GUCY2C: variants seen among roughly 807,000 people sequenced by gnomAD.
GUCY2C encodes the protein guanylyl cyclase C.
In GUCY2C, 118 loss-of-function variants were observed where a neutral mutation model predicts 131.1. The ratio of observed to expected loss-of-function variants is 0.90; its 90% CI spans 0.78 to 1.05. The LOEUF (loss-of-function observed/expected upper bound fraction) is 1.05. GUCY2C is among the 50% of genes least tolerant of loss of function. The pLI, the probability that GUCY2C is intolerant of heterozygous loss-of-function variation, is 0.00. For synonymous variants in GUCY2C, 452 were observed against 457.8 expected (o/e 0.99, Z 0.16); for missense variants, 1,161 against 1,304.4 (o/e 0.89, Z 1.69).
At chr12:14,684,836 A>G (rs1948440464) in intron 3 of GUCY2C, among the ~76,000 whole-genome samples, 1 of 151,478 alleles carries the variant, frequency 6.6e-6, no homozygotes, top group Non-Finnish European at 1.5e-5. Flanking sequence ...CACCTGGCTA[A>G]TTTTTTTATT....
At chr12:14,682,600 C>G (rs928954627) in intron 4 of GUCY2C, among the ~76,000 whole-genome samples, 3 of 152,274 alleles carry the variant, frequency 2.0e-5, no homozygotes, top group African/African-American at 7.2e-5. Flanking sequence ...TCCCCTACCT[C>G]TTGTTTCTCT....
At position 14,627,814 on chromosome 12, in the gene GUCY2C, C is replaced by T. The variant is rs78636638; in HGVS notation, c.2249+832G>A. Among the ~76,000 whole-genome samples, 1,271 of 152,292 alleles carry T rather than the reference C, an allele frequency of 8.3e-3. 11 individuals are homozygous for T. The highest frequency in any genetic ancestry group is 0.028 in the African/African-American group (1,183 of 41,578). ...ATTAATTATTATTTCCTGCTCCATTCCCACAACTGACAGCTTAGTTCTACT... is the reference window on the plus strand; with the variant it reads ...ATTAATTATTATTTCCTGCTCCATTTCCACAACTGACAGCTTAGTTCTACT... On this transcript the variant is annotated intron_variant, in intron 20 of 26. Transcript: ENST00000261170.
At position 14,696,431 on chromosome 12, in the gene GUCY2C, C is replaced by A. The variant is rs774673667; in HGVS notation, c.18G>T (p.Leu6Phe). Residue 6 changes from leucine (L) to phenylalanine (F), a missense_variant, in exon 1 of 27, where the codon TTG becomes TTT. Leu to Phe is a conservative substitution (Grantham distance 22, BLOSUM62 0). Transcript: ENST00000261170. The stretch of plus-strand genomic sequence containing the variant: ...AGAGCAGTGACCACAAAGCCAAGTC[C>A]AACAGCAACGTCTTCATGACCCCAA... Reference protein sequence around the residue: MKTLLLDLALWSLLFQ... With the variant: MKTLLFDLALWSLLFQ... 64 of 1,613,590 alleles carry A rather than the reference C, an allele frequency of 4.0e-5. No individual in the cohort carries two copies. Among genetic ancestry groups the A allele is most frequent in the Non-Finnish European group, 5.1e-5 (60 of 1,179,846 alleles).
At chr12:14,652,418 A>G (rs898061418) in intron 13 of GUCY2C, among the ~76,000 whole-genome samples, 4 of 151,568 alleles carry the variant, frequency 2.6e-5, no homozygotes, top group African/African-American at 9.7e-5. Flanking sequence ...CAAATGATCC[A>G]CCCGCCTCAG....
chr12:14,638,965 T>C (rs6488702), intron 19 of GUCY2C, among the ~76,000 whole-genome samples: 128,137 of 152,120 alleles, frequency 0.84, 57,830 homozygotes, highest in East Asian at 0.99. Flanking sequence ...ATATCACATA[T>C]ACCCCACAAA....
At chr12:14,645,609 A>C (rs1947504464) in intron 15 of GUCY2C, among the ~76,000 whole-genome samples, 1 of 152,216 alleles carries the variant, frequency 6.6e-6, no homozygotes, top group Admixed American at 6.5e-5. Context: ...CTGCTTAACA[A>C]GTGACTGCCC....
At chr12:14,655,753 A>G (rs562643620) in intron 12 of GUCY2C, among the ~76,000 whole-genome samples, 1 of 152,290 alleles carries the variant, frequency 6.6e-6, no homozygotes, top group East Asian at 1.9e-4. Flanking sequence ...CTCTGGCTTT[A>G]CAGTTAGACA....
chr12:14,669,358 C>T (rs1258848688), intron 10 of GUCY2C, among the ~76,000 whole-genome samples: 1 of 151,626 alleles, frequency 6.6e-6, no homozygotes, highest in Non-Finnish European at 1.5e-5. Flanking sequence ...CTGTGTGCCA[C>T]TATGCCTGGG....
chr12:14,658,317 A>G (rs1310410408), intron 11 of GUCY2C, among the ~76,000 whole-genome samples: 4 of 151,972 alleles, frequency 2.6e-5, no homozygotes, highest in Non-Finnish European at 5.9e-5. Flanking sequence ...ATATTTATGT[A>G]TTTTTTCTTT....
At chr12:14,632,770 C>G (rs2137003284) in intron 19 of GUCY2C, among the ~76,000 whole-genome samples, 1 of 152,290 alleles carries the variant, frequency 6.6e-6, no homozygotes, top group African/African-American at 2.4e-5. Flanking sequence ...CACTTGCACC[C>G]TCCCAGTGCT....
chr12:14,648,115 C>CA (rs1947562441), intron 15 of GUCY2C, among the ~76,000 whole-genome samples: 1 of 151,970 alleles, frequency 6.6e-6, no homozygotes, highest in South Asian at 2.1e-4. Context: ...TGCCCGCCAT[C>CA]ATGCCCGGCT....
chr12:14,696,162 T>G (rs1948651278), intron 1 of GUCY2C, 70 bp downstream of exon 1: 1 of 1,249,058 alleles, frequency 8.0e-7, no homozygotes, highest in Non-Finnish European at 1.2e-6. Flanking sequence ...ACACAAGGTC[T>G]TTGCTTAGCA....
intron 3 of GUCY2C, among the ~76,000 whole-genome samples, chr12:14,684,622 TTCC>T (rs746667732): frequency 0.13 from 2,178 of 16,856 alleles, 209 homozygotes; most frequent in African/African-American, 0.3. Context: ...CCTTCCTTCC[TTCC>T]TTCCTTTCCT....
chr12:14,683,446 C>CA (rs1272242995), intron 3 of GUCY2C, among the ~76,000 whole-genome samples, 189 bp from the exon 4 acceptor site: 1 of 152,172 alleles, frequency 6.6e-6, no homozygotes, highest in East Asian at 1.9e-4. Flanking sequence ...TTATTGAGCA[C>CA]ATGCTATGTT....
intron 26 of GUCY2C, among the ~76,000 whole-genome samples, chr12:14,614,329 T>C (rs1361653171): frequency 6.6e-6 from 1 of 152,184 alleles, no homozygotes; most frequent in African/African-American, 2.4e-5. Context: ...TTTAACTCAT[T>C]CTTGTCTAAT....
intron 15 of GUCY2C, among the ~76,000 whole-genome samples, chr12:14,648,272 TAAA>T (rs71038619): frequency 2.7e-5 from 4 of 147,786 alleles, no homozygotes; most frequent in South Asian, 2.1e-4. Flanking sequence ...ATCTTTAAAT[TAAA>T]AAAAAAAAAA....
intron 10 of GUCY2C, among the ~76,000 whole-genome samples, chr12:14,666,194 C>T (rs991334523): frequency 6.6e-6 from 1 of 152,196 alleles, no homozygotes; most frequent in Non-Finnish European, 1.5e-5. Context: ...TATGCAAATG[C>T]GGCCTCTACC....
chr12:14,635,295 C>T lies in GUCY2C; in HGVS notation c.2157+4567G>A, dbSNP rs550108363. Among the ~76,000 whole-genome samples the T allele has an allele frequency of 7.9e-5, 12 of 152,092 alleles. No individual in the cohort carries two copies. In the East Asian group the frequency reaches 1.9e-3, roughly 24 times the overall value. ...AGGCCACAATGGAATAAAAGTAGAACTCAATACCAGGAGGAACTTTGGAAA... is the reference window on the plus strand; with the variant it reads ...AGGCCACAATGGAATAAAAGTAGAATTCAATACCAGGAGGAACTTTGGAAA... On this transcript the variant is annotated intron_variant, in intron 19 of 26. Coordinates refer to ENST00000261170, the MANE Select transcript of GUCY2C (RefSeq NM_004963.4).
intron 11 of GUCY2C, among the ~76,000 whole-genome samples, 164 bp downstream of exon 11, chr12:14,660,817 T>C (rs1234132691): frequency 6.6e-6 from 1 of 152,228 alleles, no homozygotes; most frequent in Non-Finnish European, 1.5e-5. Context: ...TCAATAATAT[T>C]CTGCCCTTCA....
Sources: allele counts gnomAD v4.1 joint callset (sites outside exome capture counted in the v4.1 genomes callset), GRCh38; gene constraint gnomAD v4.1.1; transcripts MANE v1.5; gene names NCBI Gene and HGNC (gene_info 2026-07-23, HGNC 2026-07-21).